The following NSD3 variants were observed in gnomAD, a reference collection of about 807,000 sequenced individuals.
NSD3 encodes nuclear receptor binding SET domain protein 3, also known as histone-lysine N-methyltransferase NSD3.
NSD3 carries 24 observed loss-of-function variants against 160.8 expected under a neutral mutation model. The ratio of observed to expected loss-of-function variants is 0.15; its 90% CI spans 0.11 to 0.21. The LOEUF (loss-of-function observed/expected upper bound fraction) is 0.21, where lower values mean the gene tolerates loss of function less well. NSD3 is among the 10% of genes least tolerant of loss of function. The probability of loss-of-function intolerance (pLI) is 1.00; values close to 1 mark genes in which losing one functional copy is unlikely to be tolerated. For missense variants in NSD3, 1,157 were observed against 1,735.9 expected (o/e 0.67, Z 5.93); for synonymous variants, 520 against 600.0 (o/e 0.87, Z 1.95).
intron 19 of NSD3, among the ~76,000 whole-genome samples, chr8:38,282,212 G>A (rs1279418475): frequency 1.3e-5 from 2 of 152,150 alleles, no homozygotes; most frequent in African/African-American, 2.4e-5. Flanking sequence ...TTTAGCAGGC[G>A]TAGGATCATG....
Position 38,295,797 on chromosome 8 carries a change from T to C in NSD3, c.2914A>G (p.Arg972Gly). 6.2e-7 allele frequency: 1 copy of C among 1,612,848 alleles called. No individual in the cohort carries two copies. Among genetic ancestry groups the C allele is most frequent in the Non-Finnish European group, 8.5e-7 (1 of 1,179,676 alleles). ...CTCTTTGTTCTTGGAAAAACTTGCCTGTAATTTCCCAATTTGACCCAAACA... is the reference window on the plus strand; with the variant it reads ...CTCTTTGTTCTTGGAAAAACTTGCCCGTAATTTCCCAATTTGACCCAAACA... The part of the protein sequence containing the change: ...QIVWVKLGNY[R>G]WWPAEICNPR... The change falls in exon 16 of 24, where the codon AGA becomes GGA. Residue 972 changes from arginine (R) to glycine (G), a missense_variant and splice_region_variant. By Grantham distance (125) the Arg-to-Gly change is moderately radical. Around this residue, in one of 10 missense-constraint regions of NSD3, gnomAD observed 437 missense variants for 576.6 expected, o/e 0.76. Coordinates refer to ENST00000317025, the MANE Select transcript of NSD3 (RefSeq NM_023034.2).
At chr8:38,291,941 CAAG>C (rs1361200950) in intron 16 of NSD3, among the ~76,000 whole-genome samples, 10 of 152,246 alleles carry the variant, frequency 6.6e-5, no homozygotes, top group African/African-American at 1.9e-4. Flanking sequence ...CCAAAACATA[CAAG>C]AAGAATCTGA....
At chr8:38,353,729 T>C (rs955175724) in intron 1 of NSD3, among the ~76,000 whole-genome samples, 3 of 152,184 alleles carry the variant, frequency 2.0e-5, no homozygotes, top group Admixed American at 6.5e-5. Context: ...CACAGAGTGT[T>C]TTCATATACA....
intron 6 of NSD3, among the ~76,000 whole-genome samples, chr8:38,328,378 C>T (rs1809966604): frequency 6.6e-6 from 1 of 152,068 alleles, no homozygotes; most frequent in Admixed American, 6.5e-5. Flanking sequence ...AAAAAAGATG[C>T]AACATACTCA....
chr8:38,279,404 A>G, intron 21 of NSD3, 136 bp downstream of exon 21: 2 of 1,076,054 alleles, frequency 1.9e-6, no homozygotes, highest in Non-Finnish European at 1.3e-6. Flanking sequence ...TTTTATTTGA[A>G]TACGTTTTCT....
At chr8:38,348,270 C>T (rs2150384010) in intron 1 of NSD3, 55 bp from the exon 2 acceptor site, 5 of 1,354,808 alleles carry the variant, frequency 3.7e-6, no homozygotes, top group African/African-American at 2.9e-5. Flanking sequence ...AGGCTAGAGG[C>T]TAATCAACTG....
intron 4 of NSD3, among the ~76,000 whole-genome samples, chr8:38,333,577 C>G (rs1314756236): frequency 6.6e-6 from 1 of 152,208 alleles, no homozygotes. Flanking sequence ...AATAAAAATA[C>G]TGACTAATGG....
rs866810320 is a variant in NSD3 at position 38,315,793 on chromosome 8, T to G, written c.1986+119A>C. 31 of 1,425,462 alleles carry G rather than the reference T, an allele frequency of 2.2e-5. No individual in the cohort carries two copies. In the South Asian group the frequency reaches 4.0e-4, roughly 18 times the overall value. The allele number at this position is 1,425,462 out of a possible 1,614,324, so 88.3% of individuals were successfully genotyped here. ...AGCAAAAGAATTAAGACACTCAAAA[T>G]AAACAAAGTGATTTTTTTCTATGAG... On this transcript the variant is annotated intron_variant, in intron 10 of 23. Transcript: ENST00000317025.
chr8:38,280,682 A>G (rs1233926307), intron 20 of NSD3, among the ~76,000 whole-genome samples: 2 of 152,156 alleles, frequency 1.3e-5, no homozygotes, highest in Admixed American at 6.5e-5. Flanking sequence ...TGTGTATCAA[A>G]TAGGTCTTAC....
chr8:38,356,437 C>T lies in NSD3; in HGVS notation c.-44-8222G>A, dbSNP rs940838765. 7.9e-5 allele frequency among the ~76,000 whole-genome samples: 12 copies of T among 152,130 alleles called. No homozygotes were observed. In the South Asian group the frequency reaches 2.5e-3, roughly 32 times the overall value. On this transcript the variant is annotated intron_variant, in intron 1 of 23. Coordinates refer to ENST00000317025, the MANE Select transcript of NSD3 (RefSeq NM_023034.2). ...AACAAAAACAGGAAAAGAAATCAAG[C>T]CAGGCATGGTGGCTCATGCCTGCAA... is the stretch of plus-strand genomic sequence containing the variant.
Position 38,331,592 on chromosome 8 carries a change from G to A in NSD3, c.911-7C>T, listed in dbSNP as rs747346620. On this transcript the variant is annotated splice_region_variant and splice_polypyrimidine_tract_variant and intron_variant, in intron 4 of 23. Coordinates refer to ENST00000317025, the MANE Select transcript of NSD3 (RefSeq NM_023034.2). ...ACATGATATTCTCGGGCACCTGTAA[G>A]TAAAAATTCTTATTAACCATTTCAG... 4.4e-6 allele frequency: 7 copies of A among 1,608,244 alleles called. No individual in the cohort carries two copies. The East Asian group carries it at 8.9e-5, about 20-fold the overall frequency.
At position 38,347,749 on chromosome 8, in the gene NSD3, T is replaced by C. The variant is rs749220879; in HGVS notation, c.423A>G (p.Gln141=). The C allele has an allele frequency of 5.0e-5, 81 of 1,612,604 alleles. No individual in the cohort carries two copies. Among genetic ancestry groups the C allele is most frequent in the Admixed American group, 6.7e-5 (4 of 59,996 alleles). The change falls in exon 2 of 24, where the codon CAA becomes CAG. Residue 141 remains glutamine, a synonymous_variant. Transcript: ENST00000317025. ...AGCCAGTCTTCTTTGGAATCACAGT[T>C]TGTGGTACCGAAGGAGGAGGTGGTG... ...PQPPPPPSVP[Q]TVIPKKTGSP...
intron 2 of NSD3, among the ~76,000 whole-genome samples, chr8:38,345,155 T>G (rs1324007508): frequency 6.6e-6 from 1 of 151,362 alleles, no homozygotes; most frequent in Non-Finnish European, 1.5e-5. Context: ...AAAATTCAAT[T>G]AACAAGAACT....
chr8:38,337,043 C>G (rs11989357), intron 4 of NSD3, among the ~76,000 whole-genome samples: 33,613 of 150,868 alleles, frequency 0.22, 3,972 homozygotes, highest in East Asian at 0.31. Flanking sequence ...TCCAGAGGCC[C>G]AGGCAGGAGA....
intron 16 of NSD3, among the ~76,000 whole-genome samples, chr8:38,292,131 G>A (rs1809009721): frequency 1.3e-5 from 2 of 152,254 alleles, no homozygotes; most frequent in South Asian, 4.1e-4. Context: ...CATTGTTTTA[G>A]ATATTTCTTA....
chr8:38,353,718 TCA>T (rs746626056), intron 1 of NSD3, among the ~76,000 whole-genome samples: 4 of 152,210 alleles, frequency 2.6e-5, no homozygotes, highest in African/African-American at 4.8e-5. Flanking sequence ...TACATTTGTA[TCA>T]CAGAGTGTTT....
At position 38,315,979 on chromosome 8, in the gene NSD3, A is replaced by G. The variant is rs370021866; in HGVS notation, c.1919T>C (p.Val640Ala). 4.4e-5 allele frequency: 71 copies of G among 1,613,542 alleles called. No individual in the cohort carries two copies. Among genetic ancestry groups the G allele is most frequent in the Non-Finnish European group, 5.1e-5 (60 of 1,180,004 alleles). ...TCTGTATGCTGAACTAGTCATTTCT[A>G]CATCAGTTGAGGCGCGACTCCTTTT... ...LKKRSRASTD[V>A]EMTSSAYRDT... Residue 640 changes from valine to alanine, a missense_variant, in exon 10 of 24, where the codon GTA (valine) becomes GCA (alanine). By Grantham distance (64) the Val-to-Ala change is moderately conservative. Coordinates refer to ENST00000317025, the MANE Select transcript of NSD3 (RefSeq NM_023034.2).
chr8:38,326,796 G>C lies in NSD3; in HGVS notation c.1642C>G (p.Pro548Ala). ...RGQDRLIIST[P>A]NQRNEKPTQS... ...GTTGGCTTTTCATTTCTCTGGTTTG[G>C]TGTAGAAATTATAAGCCTGTCTTGC... The change falls in exon 7 of 24, where the codon CCA becomes GCA. Residue 548 changes from proline to alanine, a missense_variant. Pro to Ala is a conservative substitution (Grantham distance 27). Around this residue, in one of 10 missense-constraint regions of NSD3, gnomAD observed 102 missense variants for 126.5 expected, o/e 0.81. Transcript: ENST00000317025. 1 of 1,613,996 alleles carries C rather than the reference G, an allele frequency of 6.2e-7. No individual in the cohort carries two copies. The highest frequency in any genetic ancestry group is 8.5e-7 in the Non-Finnish European group (1 of 1,179,980).
Position 38,321,104 on chromosome 8 carries a change from C to T in NSD3, c.1777G>A (p.Val593Ile). 1 of 1,613,558 alleles carries T rather than the reference C, an allele frequency of 6.2e-7. No homozygotes were observed. The highest frequency in any genetic ancestry group is 8.5e-7 in the Non-Finnish European group (1 of 1,179,878). ...TRSESEKSTE[V>I]VPKKKIKKEQ... ...TTTTTGATCTTCTTCTTTGGCACAACCTCAGTGGATTTCTCTGATTCAGAA... is the reference window on the plus strand; with the variant it reads ...TTTTTGATCTTCTTCTTTGGCACAATCTCAGTGGATTTCTCTGATTCAGAA... Residue 593 changes from valine to isoleucine, a missense_variant, in exon 8 of 24, where the codon GTT (valine) becomes ATT (isoleucine). Physicochemically the swap from Val to Ile is conservative, Grantham distance 29. Coordinates refer to ENST00000317025, the MANE Select transcript of NSD3 (RefSeq NM_023034.2). The surrounding 1 kb of genome is among the most constrained non-coding windows in gnomAD (Gnocchi z 4.7).
Sources: allele counts gnomAD v4.1 joint callset (sites outside exome capture counted in the v4.1 genomes callset), GRCh38; gene constraint gnomAD v4.1.1; regional missense constraint gnomAD v4.1.1; non-coding constraint Gnocchi (gnomAD v3.1); transcripts MANE v1.5; gene names NCBI Gene and HGNC (gene_info 2026-07-23, HGNC 2026-07-21).